Variants in CD47 observed in about 807,000 individuals in gnomAD.
The protein encoded by CD47 is CD47 molecule, also known as leukocyte surface antigen CD47.
CD47 carries 11 observed loss-of-function variants against 44.6 expected under a neutral mutation model. The observed-to-expected ratio is 0.25, with a 90% CI of 0.16 to 0.41. The LOEUF (loss-of-function observed/expected upper bound fraction) is 0.41, where lower values mean the gene tolerates loss of function less well. Among genes scored for constraint, CD47 ranks in the 10% least tolerant of loss-of-function variants. The pLI is 1.00. For synonymous variants in CD47, 140 were observed against 136.3 expected, an observed-to-expected ratio of 1.03 and a Z score of -0.19; for missense variants, 306 against 386.7, an observed-to-expected ratio of 0.79 and a Z score of 1.75.
chr3:108,064,794 A>G (rs574159756), intron 3 of CD47, among the ~76,000 whole-genome samples: 1 of 152,304 alleles, frequency 6.6e-6, no homozygotes, highest in Admixed American at 6.5e-5. Flanking sequence ...GTTTGATTTC[A>G]TTATTACAGT....
intron 10 of CD47, among the ~76,000 whole-genome samples, chr3:108,048,983 C>T (rs1310385596): frequency 6.6e-6 from 1 of 151,978 alleles, no homozygotes; most frequent in Admixed American, 6.6e-5. Context: ...ATATCTCAAA[C>T]CTATGTATCT....
At chr3:108,074,059 T>G (rs1029823205) in intron 2 of CD47, among the ~76,000 whole-genome samples, 7 of 152,180 alleles carry the variant, frequency 4.6e-5, no homozygotes, top group African/African-American at 1.7e-4. Context: ...TTAGCTTGAT[T>G]TAAGGAAGAA....
Position 108,059,314 on chromosome 3 carries a change from C to T in CD47, c.691+138G>A, listed in dbSNP as rs527524776. ...AATTAATATGAATGGGAAAATGTCA[C>T]TAAGAATAGCATGAAAAATCTTTTA... On this transcript the variant is annotated intron_variant, in intron 5 of 10. Transcript: ENST00000361309. 27 of 437,790 alleles carry T rather than the reference C, an allele frequency of 6.2e-5. No homozygotes were observed. The South Asian group carries it at 1.6e-3, about 25-fold the overall frequency. 27.1% of individuals were successfully genotyped at this position (437,790 alleles called of 1,614,324 possible). A position where few individuals can be genotyped will look rare whatever the true frequency, so the allele number is the denominator to read the frequency against.
At chr3:108,076,900 A>G (rs1208922951) in intron 2 of CD47, among the ~76,000 whole-genome samples, 1 of 152,204 alleles carries the variant, frequency 6.6e-6, no homozygotes, top group African/African-American at 2.4e-5. Context: ...TGTACTAAGA[A>G]GAATTTGAGG....
rs574942878 is a variant in CD47 at position 108,074,692 on chromosome 3, C to T, written c.401-3510G>A. Among the ~76,000 whole-genome samples the T allele has an allele frequency of 5.9e-5, 5 of 84,658 alleles. No individual in the cohort carries two copies. In the East Asian group the frequency reaches 1.7e-3, roughly 28 times the overall value. The allele number at this position is 84,658 out of a possible 152,430, so 55.5% of individuals were successfully genotyped here. ...TATTGTGCCAGGATTTTAAATTGTT[C>T]CCTGATATGTGGGGCGGGTGGGGGG... On this transcript the variant is annotated intron_variant, in intron 2 of 10. Coordinates refer to ENST00000361309, the MANE Select transcript of CD47 (RefSeq NM_001777.4).
rs2079393477 is a variant in CD47, at chr3:108,080,364, A to C, written c.47-20T>G. 2 of 1,300,432 alleles carry C rather than the reference A, an allele frequency of 1.5e-6. No individual in the cohort carries two copies. Among genetic ancestry groups the C allele is most frequent in the East Asian group, 4.6e-5 (2 of 43,278 alleles). 80.6% of individuals were successfully genotyped at this position (1,300,432 alleles called of 1,614,324 possible). A position where few individuals can be genotyped will look rare whatever the true frequency, so the allele number is the denominator to read the frequency against. The stretch of plus-strand genomic sequence containing the variant: ...CTGATCCTGGAAAGGAAAAAGAAAA[A>C]TGTTTCATTAATTATAGAAGTCTGT... On this transcript the variant is annotated intron_variant, in intron 1 of 10. Coordinates refer to ENST00000361309, the MANE Select transcript of CD47 (RefSeq NM_001777.4).
intron 10 of CD47, among the ~76,000 whole-genome samples, chr3:108,049,096 CTCTCTCTCTCT>C (rs2078775507): frequency 1.3e-3 from 1 of 742 alleles, no homozygotes; most frequent in South Asian, 0.018. Flanking sequence ...GACGAAACAT[CTCTCTCTCTCT>C]CTCTCTCTCT....
At chr3:108,049,684 G>A (rs748585160) in intron 9 of CD47, 33 bp from the exon 10 acceptor site, 2 of 1,552,566 alleles carry the variant, frequency 1.3e-6, no homozygotes, top group Admixed American at 3.4e-5. Flanking sequence ...CAGGCAGTTA[G>A]TGAGGTTCCA....
At position 108,059,692 on chromosome 3, in the gene CD47, A is replaced by C; in HGVS notation, c.599-148T>G. On this transcript the variant is annotated intron_variant, in intron 4 of 10. Transcript: ENST00000361309. ...AAAATTAGTGACTATTTTTTGATTA[A>C]GACCAAACTTAAGACATCTAAATCT... 6.5e-6 allele frequency: 3 copies of C among 463,112 alleles called. No individual in the cohort carries two copies. The South Asian group carries it at 1.4e-4, about 21-fold the overall frequency. 28.7% of individuals were successfully genotyped at this position (463,112 alleles called of 1,614,324 possible).
At chr3:108,073,345 C>T (rs2079246105) in intron 2 of CD47, among the ~76,000 whole-genome samples, 1 of 151,950 alleles carries the variant, frequency 6.6e-6, no homozygotes, top group African/African-American at 2.4e-5. Context: ...ACTCATTTTT[C>T]ACTTATTCCA....
chr3:108,064,280 G>T (rs991732432), intron 3 of CD47, among the ~76,000 whole-genome samples: 1 of 152,068 alleles, frequency 6.6e-6, no homozygotes, highest in East Asian at 1.9e-4. Flanking sequence ...AGGGGAGGGG[G>T]GTGTGAGTGA....
At chr3:108,090,597 T>C (rs1363441784) in intron 1 of CD47, among the ~76,000 whole-genome samples, 1 of 148,250 alleles carries the variant, frequency 6.7e-6, no homozygotes, top group East Asian at 2.2e-4. Flanking sequence ...GTGTGTGCAT[T>C]TGGAGATGGA....
At position 108,043,144 on chromosome 3, in the gene CD47, G is replaced by C. The variant is rs2078656475; in HGVS notation, c.*4144C>G. On this transcript the variant is annotated 3_prime_UTR_variant, in exon 11 of 11. Coordinates refer to ENST00000361309, the MANE Select transcript of CD47 (RefSeq NM_001777.4). The stretch of plus-strand genomic sequence containing the variant: ...ACTCTGCTCTAATTAAAAGCTTATT[G>C]GGTATTATACTCAAAAAATTCATAA... The C allele has an allele frequency of 6.6e-6, 1 of 152,428 alleles. No individual in the cohort carries two copies. Among genetic ancestry groups the C allele is most frequent in the South Asian group, 2.1e-4 (1 of 4,822 alleles). The allele number at this position is 152,428 out of a possible 1,614,324, so 9.4% of individuals were successfully genotyped here.
chr3:108,077,362 T>G (rs2079328817), intron 2 of CD47, among the ~76,000 whole-genome samples: 1 of 152,176 alleles, frequency 6.6e-6, no homozygotes, highest in Admixed American at 6.5e-5. Context: ...GTTTGTTGTT[T>G]TTTTCAGTTA....
intron 3 of CD47, among the ~76,000 whole-genome samples, chr3:108,070,323 A>G (rs2079177491): frequency 6.6e-6 from 1 of 152,252 alleles, no homozygotes; most frequent in Non-Finnish European, 1.5e-5. Flanking sequence ...AAGAAGGAAT[A>G]AATCTTGTAT....
chr3:108,082,970 TA>T (rs1283467052), intron 1 of CD47, among the ~76,000 whole-genome samples: 1 of 152,022 alleles, frequency 6.6e-6, no homozygotes, highest in African/African-American at 2.4e-5. Flanking sequence ...AAAGATGCAT[TA>T]AAAAACTATT....
At chr3:108,058,629 T>G (rs1172071889) in intron 5 of CD47, among the ~76,000 whole-genome samples, 200 bp from the exon 6 acceptor site, 1 of 152,224 alleles carries the variant, frequency 6.6e-6, no homozygotes, top group South Asian at 2.1e-4. Context: ...TTCGGCAGCC[T>G]TTAATTTTCA....
In CD47 at chr3:108,079,840, A is replaced by G. The variant is rs1473736678; in HGVS notation, c.400+151T>C. On this transcript the variant is annotated intron_variant, in intron 2 of 10. Coordinates refer to ENST00000361309, the MANE Select transcript of CD47 (RefSeq NM_001777.4). ...ATTAACAAATAGGATAGAAATCACA[A>G]TCTTAAACTTGCTAAACATTACATC... is the stretch of plus-strand genomic sequence containing the variant. The G allele has an allele frequency of 5.2e-6, 3 of 578,288 alleles. No homozygotes were observed. The Admixed American group carries it at 9.4e-5, about 18-fold the overall frequency. 35.8% of individuals were successfully genotyped at this position (578,288 alleles called of 1,614,324 possible).
chr3:108,072,069 T>C lies in CD47; in HGVS notation c.401-887A>G, dbSNP rs144017483. Among the ~76,000 whole-genome samples, 335 of 152,342 alleles carry C rather than the reference T, an allele frequency of 2.2e-3. 1 individual carries two copies. Among genetic ancestry groups the C allele is most frequent in the African/African-American group, 7.5e-3 (312 of 41,572 alleles). The stretch of plus-strand genomic sequence containing the variant: ...TAAGATATTAAGACTTCAAATAAGA[T>C]TTGTGAGAACTTTTAAAAATTAAGT... On this transcript the variant is annotated intron_variant, in intron 2 of 10. Coordinates refer to ENST00000361309, the MANE Select transcript of CD47 (RefSeq NM_001777.4).
Sources: allele counts gnomAD v4.1 joint callset (sites outside exome capture counted in the v4.1 genomes callset), GRCh38; gene constraint gnomAD v4.1.1; transcripts MANE v1.5; gene names NCBI Gene and HGNC (gene_info 2026-07-23, HGNC 2026-07-21).